The following BMPR1A variants were observed in gnomAD, a reference collection of about 807,000 sequenced individuals.
The protein encoded by BMPR1A is bone morphogenetic protein receptor type-1A.
Under a neutral mutation model 66.0 loss-of-function variants are expected in BMPR1A, and 7 were observed. The ratio of observed to expected loss-of-function variants is 0.11; its 90% confidence interval spans 0.06 to 0.20. The LOEUF (loss-of-function observed/expected upper bound fraction) is 0.20. BMPR1A is among the 10% of genes least tolerant of loss of function. BMPR1A has a pLI of 1.00. For missense variants in BMPR1A, 408 were observed against 669.1 expected, an observed-to-expected ratio of 0.61 and a Z score of 4.31; for synonymous variants, 200 against 229.7, an observed-to-expected ratio of 0.87 and a Z score of 1.17.
chr10:86,825,177 C>T (rs901403088), intron 1 of BMPR1A, among the ~76,000 whole-genome samples: 2 of 150,930 alleles, frequency 1.3e-5, no homozygotes, highest in African/African-American at 4.9e-5. Context: ...GATCATTGCT[C>T]ACTGCAGCCT....
At position 86,906,781 on chromosome 10, in the gene BMPR1A, G is replaced by C. The variant is rs1343023874; in HGVS notation, c.531-5459G>C. ...AAAAAAACACTTTGTCCTTTTATCT[G>C]TCTCTTCTGTTTTTGAGACTCCAAT... is the stretch of plus-strand genomic sequence containing the variant. On this transcript the variant is annotated intron_variant, in intron 7 of 12. Coordinates refer to ENST00000372037, the MANE Select transcript of BMPR1A (RefSeq NM_004329.3). Among the ~76,000 whole-genome samples, 11 of 139,182 alleles carry C rather than the reference G, an allele frequency of 7.9e-5. No individual in the cohort carries two copies. In the Admixed American group the frequency reaches 8.7e-4, roughly 11 times the overall value. The allele number at this position is 139,182 out of a possible 152,430, so 91.3% of individuals were successfully genotyped here.
At chr10:86,802,631 GAA>G (rs1249709191) in intron 1 of BMPR1A, among the ~76,000 whole-genome samples, 41 of 139,532 alleles carry the variant, frequency 2.9e-4, no homozygotes, top group Admixed American at 2.8e-3. Context: ...GCTTGAGGGA[GAA>G]AAAAAAAAAA....
At chr10:86,768,579 A>G (rs1841203660) in intron 1 of BMPR1A, among the ~76,000 whole-genome samples, 1 of 152,240 alleles carries the variant, frequency 6.6e-6, no homozygotes, top group Non-Finnish European at 1.5e-5. Context: ...TCAACAAAAG[A>G]AGTCATTCAA....
chr10:86,826,411 AACACACACAC>A (rs34389289), intron 1 of BMPR1A, among the ~76,000 whole-genome samples: 7 of 147,000 alleles, frequency 4.8e-5, no homozygotes, highest in South Asian at 2.2e-4. Flanking sequence ...CAATCAAGGA[AACACACACAC>A]ACACACACAC....
chr10:86,891,336 A>G (rs2133403460), intron 4 of BMPR1A, among the ~76,000 whole-genome samples: 1 of 152,342 alleles, frequency 6.6e-6, no homozygotes, highest in South Asian at 2.1e-4. Flanking sequence ...TTAGTAACCC[A>G]GAGTAAAACT....
intron 5 of BMPR1A, among the ~76,000 whole-genome samples, chr10:86,895,120 T>C (rs981085236): frequency 2.0e-5 from 3 of 152,226 alleles, no homozygotes; most frequent in African/African-American, 7.2e-5. Context: ...CAAATAAGTG[T>C]TTACATGACA....
downstream of BMPR1A, chr10:86,930,373 G>A (rs1843796574): frequency 6.6e-6 from 1 of 152,090 alleles, no homozygotes; most frequent in African/African-American, 2.4e-5. Context: ...TCCACCTCCC[G>A]GGTTAAAGCA....
intron 8 of BMPR1A, among the ~76,000 whole-genome samples, chr10:86,914,956 C>G (rs552955789): frequency 1.3e-5 from 2 of 152,116 alleles, no homozygotes; most frequent in Non-Finnish European, 2.9e-5. Flanking sequence ...GAAACAACCC[C>G]AAAGCTCATG....
chr10:86,797,103 C>T (rs1283776725), intron 1 of BMPR1A, among the ~76,000 whole-genome samples: 3 of 132,536 alleles, frequency 2.3e-5, no homozygotes, highest in South Asian at 2.4e-4. Flanking sequence ...CTTGCTCTGT[C>T]GCCCAGGCTG....
At chr10:86,804,531 C>G (rs1841858664) in intron 1 of BMPR1A, among the ~76,000 whole-genome samples, 2 of 152,104 alleles carry the variant, frequency 1.3e-5, no homozygotes, top group Admixed American at 1.3e-4. Context: ...CTGAGCCCAG[C>G]CACACATGAT....
intron 1 of BMPR1A, among the ~76,000 whole-genome samples, chr10:86,763,231 T>G (rs1040486642): frequency 1.3e-5 from 2 of 152,184 alleles, no homozygotes; most frequent in Non-Finnish European, 2.9e-5. Context: ...TTGCAGCTTT[T>G]TAAAAATTTT....
intron 1 of BMPR1A, among the ~76,000 whole-genome samples, chr10:86,763,672 T>A (rs1393503757): frequency 6.6e-6 from 1 of 152,160 alleles, no homozygotes; most frequent in Non-Finnish European, 1.5e-5. Flanking sequence ...CCTGCTTTCT[T>A]ACCTCCTTTT....
intron 11 of BMPR1A, among the ~76,000 whole-genome samples, chr10:86,922,183 C>T (rs1011925046): frequency 1.3e-5 from 2 of 152,154 alleles, no homozygotes; most frequent in African/African-American, 4.8e-5. Context: ...GCTTATTTTA[C>T]TTAACGTTAT....
chr10:86,902,978 CAGT>C (rs542386268), intron 7 of BMPR1A, among the ~76,000 whole-genome samples: 15 of 152,192 alleles, frequency 9.9e-5, no homozygotes, highest in Middle Eastern at 3.2e-3. Context: ...GATTTTGCCT[CAGT>C]GGTGGGGAAT....
At chr10:86,757,097 A>C (rs941304547) in intron 1 of BMPR1A, among the ~76,000 whole-genome samples, 178 bp downstream of exon 1, 19 of 151,184 alleles carry the variant, frequency 1.3e-4, no homozygotes, top group African/African-American at 3.9e-4. Flanking sequence ...GCCCAGCCAG[A>C]GACCCACGGC....
Position 86,875,988 on chromosome 10 carries a change from G to A in BMPR1A, c.-31G>A. ...AGTAGCAAGACCAATTATTAAAGGTGACAGTACACAGGAAACATTACAATT... is the reference window on the plus strand; with the variant it reads ...AGTAGCAAGACCAATTATTAAAGGTAACAGTACACAGGAAACATTACAATT... On this transcript the variant is annotated 5_prime_UTR_variant, in exon 3 of 13. Coordinates refer to ENST00000372037, the MANE Select transcript of BMPR1A (RefSeq NM_004329.3). 2 of 1,540,258 alleles carry A rather than the reference G, an allele frequency of 1.3e-6. No individual in the cohort carries two copies. Among genetic ancestry groups the A allele is most frequent in the Non-Finnish European group, 1.8e-6 (2 of 1,116,264 alleles).
At chr10:86,845,222 T>C (rs1842467654) in intron 2 of BMPR1A, among the ~76,000 whole-genome samples, 2 of 152,142 alleles carry the variant, frequency 1.3e-5, no homozygotes, top group Non-Finnish European at 1.5e-5. Context: ...AGTGAGAGAA[T>C]GGGAAAAGTG....
chr10:86,801,784 C>T (rs1472441356), intron 1 of BMPR1A, among the ~76,000 whole-genome samples: 1 of 152,062 alleles, frequency 6.6e-6, no homozygotes, highest in Admixed American at 6.6e-5. Flanking sequence ...CGCATGTTGG[C>T]TCACTGCAAG....
chr10:86,872,114 C>T (rs990258181), intron 2 of BMPR1A, among the ~76,000 whole-genome samples: 2 of 152,158 alleles, frequency 1.3e-5, no homozygotes, highest in Admixed American at 6.5e-5. Context: ...GTATTGAGCT[C>T]GTAGTCAGGG....
Sources: gnomAD v4.1 joint callset for allele counts (sites outside exome capture counted in the v4.1 genomes callset) on GRCh38, gnomAD v4.1.1 for gene constraint, MANE v1.5 for transcripts, NCBI Gene and HGNC (gene_info 2026-07-23, HGNC 2026-07-21) for gene names.